The following UTRN variants were observed in gnomAD, a reference collection of about 807,000 sequenced individuals.
UTRN encodes utrophin, also known as dystrophin-related protein 1.
In UTRN, 283 loss-of-function variants were observed where a neutral mutation model predicts 463.9. That is an observed-to-expected ratio of 0.61 (90% CI 0.55 to 0.67). The LOEUF is 0.67. Ranked by LOEUF, UTRN falls within the 30% of genes least tolerant of loss-of-function variation. The probability of loss-of-function intolerance (pLI) is 0.00; values close to 1 mark genes in which losing one functional copy is unlikely to be tolerated. For missense variants in UTRN, 3,922 were observed against 4,084.3 expected (o/e 0.96, Z 1.08); for synonymous variants, 1,442 against 1,431.5 (o/e 1.01, Z -0.17).
intron 39 of UTRN, among the ~76,000 whole-genome samples, chr6:144,517,423 C>T (rs1046787161): frequency 2.6e-5 from 4 of 151,428 alleles, no homozygotes; most frequent in Non-Finnish European, 5.9e-5. Context: ...ATCTTGAACT[C>T]CTAGGCTCAA....
At chr6:144,471,168 C>T (rs1584922372) in intron 23 of UTRN, among the ~76,000 whole-genome samples, 1 of 151,170 alleles carries the variant, frequency 6.6e-6, no homozygotes, top group African/African-American at 2.4e-5. Context: ...GGAACAGATA[C>T]ATGTGAATTG....
intron 2 of UTRN, among the ~76,000 whole-genome samples, chr6:144,384,057 T>C (rs1294770966): frequency 6.6e-6 from 1 of 152,256 alleles, no homozygotes; most frequent in Non-Finnish European, 1.5e-5. Flanking sequence ...CTCTATGTTT[T>C]ATTTCAGTAA....
chr6:144,627,385 C>T (rs922959335), intron 51 of UTRN, among the ~76,000 whole-genome samples: 2 of 152,100 alleles, frequency 1.3e-5, no homozygotes, highest in African/African-American at 4.8e-5. Flanking sequence ...ATTGATAACC[C>T]TTATCTTTCT....
intron 3 of UTRN, among the ~76,000 whole-genome samples, chr6:144,413,615 A>T (rs1374191751): frequency 1.3e-5 from 2 of 152,010 alleles, no homozygotes; most frequent in Admixed American, 6.6e-5. Flanking sequence ...ACAATTCGAG[A>T]GTTGGGTGGG....
At chr6:144,500,630 TGA>T (rs1381630550) in intron 34 of UTRN, among the ~76,000 whole-genome samples, 4 of 152,216 alleles carry the variant, frequency 2.6e-5, no homozygotes, top group Admixed American at 2.0e-4. Context: ...AGAATTGTGC[TGA>T]GTTTAATTCT....
At chr6:144,810,595 G>A (rs1778521162) in intron 65 of UTRN, among the ~76,000 whole-genome samples, 1 of 152,036 alleles carries the variant, frequency 6.6e-6, no homozygotes, top group Admixed American at 6.6e-5. Context: ...GGAGGAAATA[G>A]TAAAAGGAAA....
At chr6:144,846,901 T>G in intron 74 of UTRN, 74 bp downstream of exon 74, 2 of 1,569,028 alleles carry the variant, frequency 1.3e-6, no homozygotes, top group Non-Finnish European at 8.8e-7. Flanking sequence ...CACGACTGAT[T>G]TTATTCCTAC....
At chr6:144,489,665 A>G (rs901202147) in intron 30 of UTRN, among the ~76,000 whole-genome samples, 2 of 152,124 alleles carry the variant, frequency 1.3e-5, no homozygotes, top group African/African-American at 4.8e-5. Flanking sequence ...TCTGTTGCCC[A>G]GGCTAGAGTG....
chr6:144,772,979 GT>G lies in UTRN; in HGVS notation c.8557+1022del, dbSNP rs1044583434. Among the ~76,000 whole-genome samples the G allele has an allele frequency of 9.4e-4, 133 of 141,974 alleles. 1 individual carries two copies. Among genetic ancestry groups the G allele is most frequent in the Non-Finnish European group, 1.1e-3 (73 of 64,544 alleles). 93.1% of individuals were successfully genotyped at this position (141,974 alleles called of 152,430 possible). On this transcript the variant is annotated intron_variant, in intron 59 of 74. Transcript: ENST00000367545. Reference sequence around the variant, plus strand: ...TTAAATGTTGGGCTTCTGTGTGAGTGTTTTTTTTTTTGGTGGGTGAAGGGGC... The same window carrying G: ...TTAAATGTTGGGCTTCTGTGTGAGTGTTTTTTTTTTGGTGGGTGAAGGGGC...
chr6:144,553,644 C>T lies in UTRN; in HGVS notation c.6929-1044C>T, dbSNP rs547560651. Among the ~76,000 whole-genome samples the T allele has an allele frequency of 1.4e-4, 21 of 152,218 alleles. No individual in the cohort carries two copies. The South Asian group carries it at 2.9e-3, about 21-fold the overall frequency. The stretch of plus-strand genomic sequence containing the variant: ...AAAAATTTAAGTTTCCAGCCGGGTG[C>T]GTTGGCTCATGCCTGTAATCCCAAC... On this transcript the variant is annotated intron_variant, in intron 48 of 74. Coordinates refer to ENST00000367545, the MANE Select transcript of UTRN (RefSeq NM_007124.3).
intron 51 of UTRN, among the ~76,000 whole-genome samples, chr6:144,632,698 C>T (rs1776654890): frequency 6.6e-6 from 1 of 151,182 alleles, no homozygotes; most frequent in Non-Finnish European, 1.5e-5. Flanking sequence ...TAAGAATAGA[C>T]TTATTTTTAT....
intron 34 of UTRN, among the ~76,000 whole-genome samples, chr6:144,509,407 T>C (rs1794985862): frequency 6.6e-6 from 1 of 152,026 alleles, no homozygotes. Context: ...ATTCAATTTG[T>C]TTTTCAGCTG....
intron 61 of UTRN, among the ~76,000 whole-genome samples, chr6:144,787,994 A>G (rs1261843445): frequency 2.0e-5 from 3 of 152,142 alleles, no homozygotes; most frequent in East Asian, 1.9e-4. Context: ...TTATCTTCCA[A>G]TCCCTAGGAC....
In UTRN at chr6:144,491,040, C is replaced by T. The variant is rs1793015384; in HGVS notation, c.4375C>T (p.His1459Tyr). Residue 1459 changes from histidine to tyrosine, a missense_variant, in exon 32 of 75, where the codon CAC becomes TAC. His to Tyr is a moderately conservative substitution (Grantham distance 83). Transcript: ENST00000367545. ...RVLDGVKAEL[H>Y]VLDVKDVDPD... ...GCTGGATGGCGTGAAAGCAGAACTT[C>T]ACGTTCTGGATGTGAAGGACGTAGA... 1.2e-6 allele frequency: 2 copies of T among 1,614,034 alleles called. No homozygotes were observed.
chr6:144,575,804 A>T (rs1252190347), intron 50 of UTRN, among the ~76,000 whole-genome samples: 1 of 152,142 alleles, frequency 6.6e-6, no homozygotes, highest in Non-Finnish European at 1.5e-5. Flanking sequence ...CACAAAATTC[A>T]TCAGGATTTT....
chr6:144,580,588 G>C (rs906432896), intron 51 of UTRN, among the ~76,000 whole-genome samples: 2 of 152,160 alleles, frequency 1.3e-5, no homozygotes, highest in African/African-American at 2.4e-5. Flanking sequence ...CCTGCTGCAA[G>C]GCTGTTAGGA....
chr6:144,641,695 A>G (rs941182415), intron 51 of UTRN, among the ~76,000 whole-genome samples: 21 of 152,192 alleles, frequency 1.4e-4, no homozygotes, highest in Admixed American at 7.2e-4. Context: ...TCTGGATGCC[A>G]TGCTTATATT....
At chr6:144,422,173 T>C (rs1784887653) in intron 4 of UTRN, among the ~76,000 whole-genome samples, 1 of 152,236 alleles carries the variant, frequency 6.6e-6, no homozygotes, top group African/African-American at 2.4e-5. Context: ...GCTCTGTTTT[T>C]ATTGAAGATA....
chr6:144,306,917 T>A (rs1805791764), intron 2 of UTRN, among the ~76,000 whole-genome samples: 1 of 150,196 alleles, frequency 6.7e-6, no homozygotes, highest in African/African-American at 2.5e-5. Context: ...AAAAAAAAAT[T>A]ACCTGGGCAT....
Sources: gnomAD v4.1 joint callset for allele counts (sites outside exome capture counted in the v4.1 genomes callset) on GRCh38, gnomAD v4.1.1 for gene constraint, MANE v1.5 for transcripts, NCBI Gene and HGNC (gene_info 2026-07-23, HGNC 2026-07-21) for gene names.